Variants in AP5M1 observed in about 807,000 individuals in gnomAD.
The protein encoded by AP5M1 is AP-5 complex subunit mu-1.
Under a neutral mutation model 52.3 loss-of-function variants are expected in AP5M1, and 44 were observed. The ratio of observed to expected loss-of-function variants is 0.84; its 90% confidence interval spans 0.66 to 1.08. The LOEUF (loss-of-function observed/expected upper bound fraction) is 1.08. AP5M1 is among the 50% of genes least tolerant of loss of function. The probability of loss-of-function intolerance (pLI) is 0.00; values close to 1 mark genes in which losing one functional copy is unlikely to be tolerated. For synonymous variants in AP5M1, 213 were observed against 199.0 expected, an observed-to-expected ratio of 1.07 and a Z score of -0.59; for missense variants, 526 against 568.4, an observed-to-expected ratio of 0.93 and a Z score of 0.76.
rs35759976 is a variant in AP5M1, at chr14:57,288,846, G to A, written c.1435G>A (p.Ala479Thr). The A allele has an allele frequency of 0.059, 93,657 of 1,580,190 alleles. 3,330 individuals carry two copies. The highest frequency in any genetic ancestry group is 0.13 in the Admixed American group (7,685 of 58,678). ...TGATTATTACATCTGGAATTCTAAA[G>A]CCCCTGCTCCAGTAACATATGGATC... ...SSDYYIWNSK[A>T]PAPVTYGSLL... Residue 479 changes from alanine (A) to threonine (T), a missense_variant, in exon 8 of 8, where the codon GCC becomes ACC. Coordinates refer to ENST00000261558, the MANE Select transcript of AP5M1 (RefSeq NM_018229.4).
At chr14:57,283,830 A>G (rs1396803342) in intron 6 of AP5M1, among the ~76,000 whole-genome samples, 1 of 152,168 alleles carries the variant, frequency 6.6e-6, no homozygotes, top group African/African-American at 2.4e-5. Context: ...TACAAAAAAT[A>G]GAAAAATCAG....
intron 2 of AP5M1, 46 bp downstream of exon 2, chr14:57,274,935 T>C: frequency 6.2e-7 from 1 of 1,601,174 alleles, no homozygotes; most frequent in Non-Finnish European, 8.5e-7. Context: ...ATTTAACATA[T>C]GGAGAAAAGT....
chr14:57,284,675 T>A (rs992517235), intron 6 of AP5M1, among the ~76,000 whole-genome samples: 3 of 152,120 alleles, frequency 2.0e-5, no homozygotes, highest in Non-Finnish European at 4.4e-5. Flanking sequence ...TGTTCCAAGA[T>A]GATATTGTTT....
intron 2 of AP5M1, 147 bp from the exon 3 acceptor site, chr14:57,280,048 C>T (rs1885133846): frequency 1.5e-6 from 1 of 676,552 alleles, no homozygotes; most frequent in African/African-American, 1.8e-5. Flanking sequence ...CATGATAAAA[C>T]CATTAATAAG....
rs201913572 is a variant in AP5M1, at chr14:57,283,073, C to G, written c.1175-39C>G. ...TTCTTTTCATTTACTGTAGAATCTACTTAATTTAGAATTGTTTATTGGTAT... is the reference window on the plus strand; with the variant it reads ...TTCTTTTCATTTACTGTAGAATCTAGTTAATTTAGAATTGTTTATTGGTAT... On this transcript the variant is annotated intron_variant, in intron 5 of 7. Transcript: ENST00000261558. 460 of 1,575,126 alleles carry G rather than the reference C, an allele frequency of 2.9e-4. 2 individuals carry two copies. The African/African-American group carries it at 5.3e-3, about 18-fold the overall frequency.
intron 1 of AP5M1, 31 bp from the exon 2 acceptor site, chr14:57,274,213 C>A: frequency 1.3e-6 from 2 of 1,531,624 alleles, no homozygotes; most frequent in Non-Finnish European, 1.7e-6. Context: ...TTGGAAGAAT[C>A]ATTTATAATG....
At position 57,289,660 on chromosome 14, in the gene AP5M1, A is replaced by G. The variant is rs1885394883; in HGVS notation, c.*776A>G. ...AAGATGATCATAGTGTTTTGTAATC[A>G]TTTAATGTCTGCAGCCAAATTTTTA... On this transcript the variant is annotated 3_prime_UTR_variant, in exon 8 of 8. Coordinates refer to ENST00000261558, the MANE Select transcript of AP5M1 (RefSeq NM_018229.4). The G allele has an allele frequency of 6.6e-6, 1 of 152,036 alleles. No homozygotes were observed. The highest frequency in any genetic ancestry group is 2.4e-5 in the African/African-American group (1 of 41,436). 9.4% of individuals were successfully genotyped at this position (152,036 alleles called of 1,614,324 possible).
Position 57,295,903 on chromosome 14 carries a change from T to C in AP5M1, c.*7019T>C, listed in dbSNP as rs1239667826. The C allele has an allele frequency of 1.3e-5, 2 of 151,962 alleles. No homozygotes were observed. The highest frequency in any genetic ancestry group is 4.8e-5 in the African/African-American group (2 of 41,410). The allele number at this position is 151,962 out of a possible 1,614,324, so 9.4% of individuals were successfully genotyped here. The stretch of plus-strand genomic sequence containing the variant: ...AGTATGTAATTGAGTATGTAATATA[T>C]GCATTGGAGAAATACCGGTTGATTA... On this transcript the variant is annotated 3_prime_UTR_variant, in exon 8 of 8. Transcript: ENST00000261558.
chr14:57,273,456 T>C (rs754897930), intron 1 of AP5M1, among the ~76,000 whole-genome samples: 28 of 152,200 alleles, frequency 1.8e-4, no homozygotes, highest in Non-Finnish European at 2.9e-4. Context: ...TTCTGGACTT[T>C]GGAGTGGAGG....
intron 3 of AP5M1, among the ~76,000 whole-genome samples, chr14:57,281,150 C>G (rs1885165253): frequency 6.6e-6 from 1 of 152,084 alleles, no homozygotes; most frequent in African/African-American, 2.4e-5. Flanking sequence ...CATGTATTTT[C>G]TCTAGTACTG....
chr14:57,270,050 C>A (rs1267862905), intron 1 of AP5M1, among the ~76,000 whole-genome samples: 1 of 152,160 alleles, frequency 6.6e-6, no homozygotes, highest in Non-Finnish European at 1.5e-5. Context: ...CCTCGTGATC[C>A]GCCCGCCTTG....
intron 1 of AP5M1, among the ~76,000 whole-genome samples, chr14:57,272,607 A>G (rs1225163732): frequency 6.6e-6 from 1 of 152,204 alleles, no homozygotes; most frequent in Admixed American, 6.5e-5. Flanking sequence ...GTGTTGTGTA[A>G]GTTCCCAGAT....
chr14:57,284,071 C>T (rs981099690), intron 6 of AP5M1, among the ~76,000 whole-genome samples: 1 of 152,128 alleles, frequency 6.6e-6, no homozygotes, highest in African/African-American at 2.4e-5. Context: ...TGCACATCAA[C>T]AATTTATCAG....
rs376449331 is a variant in AP5M1, at chr14:57,296,276, A to C, written c.*7392A>C. The C allele has an allele frequency of 4.4e-4, 67 of 152,066 alleles. No homozygotes were observed. Among genetic ancestry groups the C allele is most frequent in the African/African-American group, 1.5e-3 (64 of 41,530 alleles). The allele number at this position is 152,066 out of a possible 1,614,324, so 9.4% of individuals were successfully genotyped here. On this transcript the variant is annotated 3_prime_UTR_variant, in exon 8 of 8. Coordinates refer to ENST00000261558, the MANE Select transcript of AP5M1 (RefSeq NM_018229.4). ...GATTTTTGAAGAACTATTTTCTTAG[A>C]TTTACCAACAGGACAAGTTGTCGGC...
At position 57,272,533 on chromosome 14, in the gene AP5M1, A is replaced by G. The variant is rs562522800; in HGVS notation, c.75-1711A>G. On this transcript the variant is annotated intron_variant, in intron 1 of 7. Coordinates refer to ENST00000261558, the MANE Select transcript of AP5M1 (RefSeq NM_018229.4). ...CCTTGAATCCTGTTTTAGAAAAAGC[A>G]TATAATAAATTAGAAATGATAGGTT... 9.8e-5 allele frequency among the ~76,000 whole-genome samples: 15 copies of G among 152,368 alleles called. 1 individual carries two copies. In the Middle Eastern group the frequency reaches 0.017, roughly 173 times the overall value.
chr14:57,286,236 T>A lies in AP5M1; in HGVS notation c.1307T>A (p.Ile436Asn). 1 of 1,607,830 alleles carries A rather than the reference T, an allele frequency of 6.2e-7. No homozygotes were observed. The highest frequency in any genetic ancestry group is 8.5e-7 in the Non-Finnish European group (1 of 1,175,164). The change falls in exon 7 of 8, where the codon ATC (isoleucine) becomes AAC (asparagine). Residue 436 changes from isoleucine to asparagine, a missense_variant. This residue lies in a region of AP5M1 where 97 missense variants were observed against 121.3 expected (regional missense o/e 0.80). Coordinates refer to ENST00000261558, the MANE Select transcript of AP5M1 (RefSeq NM_018229.4). Reference protein sequence around the residue: ...ETAYLKLHFRILDYTLTGCYA... With the variant: ...ETAYLKLHFRNLDYTLTGCYA... ...TCTTCTTTCTAGCTTCATTTTAGGATCTTAGATTACACACTTACTGGATGT... is the reference window on the plus strand; with the variant it reads ...TCTTCTTTCTAGCTTCATTTTAGGAACTTAGATTACACACTTACTGGATGT...
In AP5M1 at chr14:57,289,174, A is replaced by G; in HGVS notation, c.*290A>G. The G allele has an allele frequency of 5.1e-6, 1 of 196,812 alleles. No individual in the cohort carries two copies. Among genetic ancestry groups the G allele is most frequent in the Non-Finnish European group, 1.0e-5 (1 of 98,240 alleles). The allele number at this position is 196,812 out of a possible 1,614,324, so 12.2% of individuals were successfully genotyped here. A position where few individuals can be genotyped will look rare whatever the true frequency, so the allele number is the denominator to read the frequency against. ...GACTGGTCCTGGGTCACCCTGCCAC[A>G]CTTGTTTCCTAGTGTTTCTGTGGCA... On this transcript the variant is annotated 3_prime_UTR_variant, in exon 8 of 8. Coordinates refer to ENST00000261558, the MANE Select transcript of AP5M1 (RefSeq NM_018229.4).
At chr14:57,273,571 T>C in intron 1 of AP5M1, 1 of 529,682 alleles carries the variant, frequency 1.9e-6, no homozygotes, top group Non-Finnish European at 3.4e-6. Flanking sequence ...AAAGAAAAGA[T>C]AAATTAGTAA....
intron 1 of AP5M1, among the ~76,000 whole-genome samples, chr14:57,271,626 A>G (rs1594696171): frequency 7.0e-6 from 1 of 141,970 alleles, no homozygotes; most frequent in Non-Finnish European, 1.5e-5. Context: ...TTAATTTACC[A>G]TTGTCAATTA....
Sources: allele counts gnomAD v4.1 joint callset (sites outside exome capture counted in the v4.1 genomes callset), GRCh38; gene constraint gnomAD v4.1.1; regional missense constraint gnomAD v4.1.1; transcripts MANE v1.5; gene names NCBI Gene and HGNC (gene_info 2026-07-23, HGNC 2026-07-21).